DCLK1: variants seen among roughly 807,000 people sequenced by gnomAD.
The protein encoded by DCLK1 is serine/threonine-protein kinase DCLK1.
Under a neutral mutation model 86.2 loss-of-function variants are expected in DCLK1, and 16 were observed. The observed-to-expected ratio is 0.19, with a 90% CI of 0.13 to 0.28. The LOEUF is 0.28. Among genes scored for constraint, DCLK1 ranks in the 10% least tolerant of loss-of-function variants. The pLI is 1.00. For synonymous variants in DCLK1, 369 were observed against 370.5 expected, an observed-to-expected ratio of 1.00 and a Z score of 0.05; for missense variants, 590 against 940.2, an observed-to-expected ratio of 0.63 and a Z score of 4.87.
rs187286211 is a variant in DCLK1, at chr13:36,005,350, C to G, written c.724-57893G>C. Reference sequence around the variant, plus strand: ...GTATATGCAAAAAGAAAAGACTTAACAAAAAACAATGATCACTCATTATCC... The same window carrying G: ...GTATATGCAAAAAGAAAAGACTTAAGAAAAAACAATGATCACTCATTATCC... On this transcript the variant is annotated intron_variant, in intron 3 of 16. Transcript: ENST00000360631. Among the ~76,000 whole-genome samples the G allele has an allele frequency of 8.5e-5, 13 of 152,124 alleles. No individual in the cohort carries two copies. The East Asian group carries it at 2.5e-3, about 29-fold the overall frequency.
intron 3 of DCLK1, among the ~76,000 whole-genome samples, chr13:36,100,780 G>T (rs9546347): frequency 6.6e-6 from 1 of 152,030 alleles, no homozygotes; most frequent in African/African-American, 2.4e-5. Context: ...AACCTCCCAG[G>T]CTGTGTTATA....
intron 5 of DCLK1, among the ~76,000 whole-genome samples, chr13:35,857,087 G>C (rs544180571): frequency 6.6e-6 from 1 of 152,174 alleles, no homozygotes; most frequent in Non-Finnish European, 1.5e-5. Context: ...AGGCAGGATA[G>C]TTAGTCAAGG....
At chr13:35,949,479 T>C (rs1029599219) in intron 3 of DCLK1, among the ~76,000 whole-genome samples, 2 of 152,220 alleles carry the variant, frequency 1.3e-5, no homozygotes, top group Non-Finnish European at 2.9e-5. Flanking sequence ...CTGCAGCTGA[T>C]AAATATTTCA....
intron 4 of DCLK1, among the ~76,000 whole-genome samples, chr13:35,882,877 C>A (rs1208222307): frequency 2.6e-5 from 4 of 152,070 alleles, no homozygotes; most frequent in Non-Finnish European, 4.4e-5. Context: ...AGGAAATGAG[C>A]CTTAAACAAA....
intron 3 of DCLK1, among the ~76,000 whole-genome samples, chr13:36,082,253 A>G (rs992622826): frequency 6.6e-5 from 10 of 152,292 alleles, no homozygotes; most frequent in African/African-American, 2.2e-4. Flanking sequence ...CAGTGAGGAT[A>G]AAGACCTTTA....
intron 11 of DCLK1, among the ~76,000 whole-genome samples, chr13:35,811,384 T>C (rs1326048438): frequency 6.6e-6 from 1 of 152,062 alleles, no homozygotes; most frequent in Non-Finnish European, 1.5e-5. Context: ...GATGTATCTG[T>C]CTCTTGGTGG....
intron 16 of DCLK1, among the ~76,000 whole-genome samples, chr13:35,782,538 T>C (rs2086547059): frequency 6.6e-6 from 1 of 152,228 alleles, no homozygotes. Flanking sequence ...AGCTTAGTCC[T>C]GGATTGCTAA....
At chr13:35,808,117 G>C (rs1490301462) in intron 14 of DCLK1, 107 bp downstream of exon 14, 6 of 1,103,130 alleles carry the variant, frequency 5.4e-6, no homozygotes, top group Non-Finnish European at 6.8e-6. Flanking sequence ...AATGTGTACA[G>C]AAATCATACT....
intron 6 of DCLK1, chr13:35,849,668 A>T (rs1430982630): frequency 1.0e-6 from 1 of 984,214 alleles, no homozygotes; most frequent in Non-Finnish European, 1.2e-6. Flanking sequence ...AATGGGTTAT[A>T]ATCATAGACT....
At chr13:35,935,470 G>C (rs766456243) in intron 4 of DCLK1, among the ~76,000 whole-genome samples, 3 of 152,122 alleles carry the variant, frequency 2.0e-5, no homozygotes, top group Non-Finnish European at 4.4e-5. Flanking sequence ...TGGGCTATGG[G>C]GAGTAAAAGT....
At chr13:36,129,008 A>C (rs1886280550) in intron 1 of DCLK1, among the ~76,000 whole-genome samples, 1 of 152,218 alleles carries the variant, frequency 6.6e-6, no homozygotes. Context: ...TAAGTTCTTC[A>C]ACATTTTGTA....
Position 35,779,251 on chromosome 13 carries a change from C to T in DCLK1, c.2059-4552G>A, listed in dbSNP as rs368000164. 2.0e-5 allele frequency among the ~76,000 whole-genome samples: 3 copies of T among 152,298 alleles called. No individual in the cohort carries two copies. The East Asian group carries it at 5.8e-4, about 29-fold the overall frequency. On this transcript the variant is annotated intron_variant, in intron 16 of 16. Coordinates refer to ENST00000360631, the MANE Select transcript of DCLK1 (RefSeq NM_001330071.2). ...TCGGCCTCCCAAAGTGCTGGGATTA[C>T]AGGTGTGAGCCACTGCGCCCGGCCA...
At chr13:35,893,520 T>G (rs1873769373) in intron 4 of DCLK1, among the ~76,000 whole-genome samples, 1 of 152,116 alleles carries the variant, frequency 6.6e-6, no homozygotes, top group South Asian at 2.1e-4. Context: ...ATCCAAAACT[T>G]TTTGAGTGCT....
At chr13:35,986,848 T>C (rs781196888) in intron 3 of DCLK1, among the ~76,000 whole-genome samples, 1 of 151,862 alleles carries the variant, frequency 6.6e-6, no homozygotes, top group Non-Finnish European at 1.5e-5. Context: ...ATGCGCGCAA[T>C]GGGTATGAAG....
intron 5 of DCLK1, chr13:35,855,553 G>A: frequency 6.2e-7 from 1 of 1,600,330 alleles, no homozygotes; most frequent in East Asian, 2.2e-5. Context: ...TGTTGGACCT[G>A]AATACCAACG....
intron 8 of DCLK1, 106 bp from the exon 9 acceptor site, chr13:35,828,413 T>C: frequency 1.1e-6 from 1 of 893,398 alleles, no homozygotes; most frequent in Non-Finnish European, 1.7e-6. Flanking sequence ...CATCATGTTG[T>C]AAATATTTTG....
chr13:35,918,642 G>A (rs546356964), intron 4 of DCLK1, among the ~76,000 whole-genome samples: 56 of 152,164 alleles, frequency 3.7e-4, no homozygotes, highest in Middle Eastern at 3.4e-3. Context: ...TACTGGGTGC[G>A]AGGTACTGAA....
chr13:36,077,818 A>T (rs1252559804), intron 3 of DCLK1, among the ~76,000 whole-genome samples: 1 of 152,204 alleles, frequency 6.6e-6, no homozygotes, highest in Non-Finnish European at 1.5e-5. Context: ...TGAATTCAGA[A>T]TATAAACTAT....
chr13:35,779,537 C>T (rs1034008163), intron 16 of DCLK1, among the ~76,000 whole-genome samples: 3 of 151,972 alleles, frequency 2.0e-5, no homozygotes, highest in East Asian at 1.9e-4. Flanking sequence ...TTAGTGAATA[C>T]GGCATTATTT....
Sources: gnomAD v4.1 joint callset for allele counts (sites outside exome capture counted in the v4.1 genomes callset) on GRCh38, gnomAD v4.1.1 for gene constraint, MANE v1.5 for transcripts, NCBI Gene and HGNC (gene_info 2026-07-23, HGNC 2026-07-21) for gene names.